NSF: variants seen among roughly 807,000 people sequenced by gnomAD.
NSF encodes N-ethylmaleimide sensitive factor, vesicle fusing ATPase.
NSF carries 14 observed loss-of-function variants against 50.3 expected under a neutral mutation model. The observed-to-expected ratio is 0.28, with a 90% CI of 0.18 to 0.44. The LOEUF (loss-of-function observed/expected upper bound fraction) is 0.44, where lower values mean the gene tolerates loss of function less well. Ranked by LOEUF, NSF falls within the 20% of genes least tolerant of loss-of-function variation. The pLI, the probability that NSF is intolerant of heterozygous loss-of-function variation, is 1.00. For synonymous variants in NSF, 109 were observed against 175.7 expected (o/e 0.62, Z 3.00); for missense variants, 218 against 504.3 (o/e 0.43, Z 5.44).
chr17:46,681,559 C>T (rs1205819881), intron 9 of NSF, among the ~76,000 whole-genome samples: 2 of 142,434 alleles, frequency 1.4e-5, no homozygotes, highest in South Asian at 4.4e-4. Flanking sequence ...AACATCTCGT[C>T]TTCAAAAAAA....
intron 17 of NSF, among the ~76,000 whole-genome samples, chr17:46,745,317 A>C (rs2059117194): frequency 6.6e-6 from 1 of 152,212 alleles, no homozygotes; most frequent in Non-Finnish European, 1.5e-5. Flanking sequence ...CAATTTAATA[A>C]TTTGGTAATG....
At chr17:46,743,587 A>C (rs1013384240) in intron 17 of NSF, among the ~76,000 whole-genome samples, 10 of 152,174 alleles carry the variant, frequency 6.6e-5, no homozygotes, top group African/African-American at 2.4e-4. Flanking sequence ...CCATCAGGGG[A>C]CTTGCCTCAC....
chr17:46,733,441 A>G (rs1432993556), intron 17 of NSF, among the ~76,000 whole-genome samples: 2 of 152,064 alleles, frequency 1.3e-5, no homozygotes, highest in Non-Finnish European at 2.9e-5. Context: ...AACAAGTGTG[A>G]GAGTAGTTAA....
chr17:46,634,520 TA>T (rs1357180176), intron 4 of NSF, among the ~76,000 whole-genome samples: 1 of 119,186 alleles, frequency 8.4e-6, no homozygotes, highest in Non-Finnish European at 1.9e-5. Context: ...CTGTCTCTAC[TA>T]AAAATACAAA....
intron 16 of NSF, 27 bp downstream of exon 16, chr17:46,726,642 T>C (rs1235750833): frequency 1.3e-6 from 2 of 1,592,622 alleles, no homozygotes; most frequent in Non-Finnish European, 1.7e-6. Context: ...GCTGTTGTAT[T>C]ATCTTTGCCA....
intron 15 of NSF, among the ~76,000 whole-genome samples, chr17:46,718,481 G>A (rs1285282320): frequency 6.6e-6 from 1 of 152,240 alleles, no homozygotes; most frequent in East Asian, 1.9e-4. Flanking sequence ...TCAAAATGGT[G>A]CATGTACTCC....
At chr17:46,734,966 G>A (rs1358619161) in intron 17 of NSF, among the ~76,000 whole-genome samples, 2 of 152,084 alleles carry the variant, frequency 1.3e-5, no homozygotes, top group Admixed American at 1.3e-4. Context: ...CAGGAGGATC[G>A]CTTGAGCCCA....
intron 15 of NSF, among the ~76,000 whole-genome samples, chr17:46,715,316 C>T (rs2058757498): frequency 1.3e-5 from 2 of 152,174 alleles, no homozygotes; most frequent in Non-Finnish European, 2.9e-5. Flanking sequence ...AGTGATTTCC[C>T]TAGAGTAGGT....
At chr17:46,710,710 G>T (rs1361312849) in intron 13 of NSF, among the ~76,000 whole-genome samples, 4 of 152,218 alleles carry the variant, frequency 2.6e-5, no homozygotes, top group East Asian at 3.9e-4. Context: ...AATTATGAGG[G>T]TTTGAGTCTG....
chr17:46,750,029 T>G, intron 18 of NSF, 122 bp downstream of exon 18: 4 of 1,140,552 alleles, frequency 3.5e-6, no homozygotes, highest in Non-Finnish European at 5.0e-6. Flanking sequence ...GACCCGGGGA[T>G]ATTACAGGTT....
intron 20 of NSF, 162 bp downstream of exon 20, chr17:46,755,531 C>G (rs1422786624): frequency 2.8e-6 from 2 of 724,956 alleles, no homozygotes; most frequent in South Asian, 3.6e-5. Context: ...GTTGGTTGTA[C>G]TGTTGGTTTG....
At chr17:46,750,904 G>T (rs1171869821) in intron 18 of NSF, among the ~76,000 whole-genome samples, 2 of 150,998 alleles carry the variant, frequency 1.3e-5, no homozygotes, top group African/African-American at 4.9e-5. Flanking sequence ...AAATAGAAAT[G>T]TTTTCTTAAT....
chr17:46,709,303 A>G (rs1008401054), intron 13 of NSF, among the ~76,000 whole-genome samples: 1 of 152,142 alleles, frequency 6.6e-6, no homozygotes, highest in African/African-American at 2.4e-5. Flanking sequence ...AGTGACAACT[A>G]AAAACTTAAT....
At chr17:46,746,938 C>T (rs547077834) in intron 17 of NSF, among the ~76,000 whole-genome samples, 5 of 152,164 alleles carry the variant, frequency 3.3e-5, no homozygotes, top group South Asian at 4.2e-4. Flanking sequence ...TATTAAATGG[C>T]GAGATACCCA....
intron 15 of NSF, among the ~76,000 whole-genome samples, chr17:46,717,740 G>A (rs959050019): frequency 2.6e-5 from 4 of 152,136 alleles, no homozygotes; most frequent in African/African-American, 7.2e-5. Flanking sequence ...TGTGTCGTTC[G>A]GGGAGTGGGC....
rs550035792 is a variant in NSF at position 46,676,534 on chromosome 17, C to T, written c.945+1921C>T. 2.7e-5 allele frequency among the ~76,000 whole-genome samples: 4 copies of T among 146,832 alleles called. 1 individual carries two copies. The East Asian group carries it at 8.4e-4, about 31-fold the overall frequency. ...GGCGTGACCCACCATGCCCGGCCTC[C>T]CATGGGAATTGTAAACCATGGATCC... On this transcript the variant is annotated intron_variant, in intron 9 of 20. Transcript: ENST00000398238.
chr17:46,755,128 A>C (rs530290585), intron 19 of NSF, among the ~76,000 whole-genome samples, 186 bp from the exon 20 acceptor site: 1 of 152,370 alleles, frequency 6.6e-6, no homozygotes, highest in South Asian at 2.1e-4. Context: ...AACCCCATTC[A>C]CTTCCTCCAA....
At chr17:46,673,906 TG>T (rs527782141) in intron 8 of NSF, among the ~76,000 whole-genome samples, 593 of 8,090 alleles carry the variant, frequency 0.073, 256 homozygotes, top group Middle Eastern at 0.25. Flanking sequence ...TAGTATTCCA[TG>T]GGGGTGTGTG....
chr17:46,642,517 AT>A (rs1332519076), intron 7 of NSF, among the ~76,000 whole-genome samples: 1 of 132,820 alleles, frequency 7.5e-6, no homozygotes, highest in Non-Finnish European at 1.5e-5. Flanking sequence ...CCTCTTGAGA[AT>A]TTTTAAACAT....
Sources: allele counts gnomAD v4.1 joint callset (sites outside exome capture counted in the v4.1 genomes callset), GRCh38; gene constraint gnomAD v4.1.1; transcripts MANE v1.5; gene names NCBI Gene and HGNC (gene_info 2026-07-23, HGNC 2026-07-21).